Variants in ITM2B observed in about 807,000 individuals in gnomAD.
The protein encoded by ITM2B is ABri/ADan amyloid peptide.
Under a neutral mutation model 27.8 loss-of-function variants are expected in ITM2B, and 11 were observed. The ratio of observed to expected loss-of-function variants is 0.40; its 90% CI spans 0.25 to 0.66. The LOEUF (loss-of-function observed/expected upper bound fraction) is 0.66. ITM2B is among the 30% of genes least tolerant of loss of function. ITM2B has a pLI of 0.43. For missense variants in ITM2B, 296 were observed against 328.9 expected (o/e 0.90, Z 0.77); for synonymous variants, 114 against 114.3 (o/e 1.00, Z 0.02).
At chr13:48,242,409 CT>C (rs144306588) in intron 1 of ITM2B, among the ~76,000 whole-genome samples, 21 of 147,270 alleles carry the variant, frequency 1.4e-4, no homozygotes, top group Admixed American at 2.0e-4. Flanking sequence ...TTCTTTCTTT[CT>C]TTTTTTTTTG....
chr13:48,236,653 C>T (rs9316367), intron 1 of ITM2B, among the ~76,000 whole-genome samples: 28,376 of 152,118 alleles, frequency 0.19, 3,126 homozygotes, highest in Non-Finnish European at 0.24. Flanking sequence ...TATCAAGTAG[C>T]AGTGGGTCAA....
chr13:48,233,378 C>A lies in ITM2B; in HGVS notation c.18C>A (p.Phe6Leu). 1 of 1,563,832 alleles carries A rather than the reference C, an allele frequency of 6.4e-7. No homozygotes were observed. The change falls in exon 1 of 6, where the codon TTC becomes TTA. Residue 6 changes from phenylalanine to leucine, a missense_variant. Physicochemically the swap from Phe to Leu is conservative, Grantham distance 22. Transcript: ENST00000647800. Reference protein sequence around the residue: MVKVTFNSALAQKEAK... With the variant: MVKVTLNSALAQKEAK... ...GCCGCGCCATGGTGAAGGTGACGTT[C>A]AACTCCGCTCTGGCCCAGAAGGAGG...
chr13:48,258,769 C>A, intron 4 of ITM2B, 28 bp from the exon 5 acceptor site: 1 of 1,606,400 alleles, frequency 6.2e-7, no homozygotes, highest in Non-Finnish European at 8.5e-7. Context: ...CTGAGATAGT[C>A]ATGTCATGTA....
At chr13:48,250,183 A>G (rs1031610289) in intron 1 of ITM2B, among the ~76,000 whole-genome samples, 2 of 152,240 alleles carry the variant, frequency 1.3e-5, no homozygotes, top group Admixed American at 6.5e-5. Flanking sequence ...ATGCTGAACT[A>G]GGCTACTGCT....
At chr13:48,233,582 G>A in intron 1 of ITM2B, 105 bp downstream of exon 1, 1 of 645,828 alleles carries the variant, frequency 1.5e-6, no homozygotes, top group Non-Finnish European at 2.4e-6. Context: ...CGGGGCTCGC[G>A]CCGCGGGGAC....
Position 48,261,322 on chromosome 13 carries a change from G to A in ITM2B, c.*98G>A, listed in dbSNP as rs1446500129. 3.5e-6 allele frequency: 3 copies of A among 852,482 alleles called. No homozygotes were observed. Among genetic ancestry groups the A allele is most frequent in the African/African-American group, 3.3e-5 (2 of 59,798 alleles). 52.8% of individuals were successfully genotyped at this position (852,482 alleles called of 1,614,324 possible). A position where few individuals can be genotyped will look rare whatever the true frequency, so the allele number is the denominator to read the frequency against. ...ATTATTTTTTAAAGTCTTCTTTCAT[G>A]TAAGTAGCAAACAGGGCTTTACTAT... On this transcript the variant is annotated 3_prime_UTR_variant, in exon 6 of 6. Transcript: ENST00000647800.
chr13:48,253,959 GTC>G lies in ITM2B; in HGVS notation c.246+27_246+28del, dbSNP rs773917209. 1.9e-6 allele frequency: 3 copies of G among 1,585,094 alleles called. No homozygotes were observed. The Admixed American group carries it at 5.1e-5, about 27-fold the overall frequency. ...CAAGTAAGTGGAAAAATTATTTTGT[GTC>G]TCTGATTTTTTTTTTTTTTTGCCTC... On this transcript the variant is annotated intron_variant, in intron 2 of 5. Coordinates refer to ENST00000647800, the MANE Select transcript of ITM2B (RefSeq NM_021999.5).
At chr13:48,251,299 T>C (rs114882070) in intron 1 of ITM2B, among the ~76,000 whole-genome samples, 1,590 of 152,330 alleles carry the variant, frequency 0.01, 28 homozygotes, top group African/African-American at 0.036. Flanking sequence ...TAATGAGTAT[T>C]TGTCCTTTAA....
chr13:48,249,362 C>T (rs1488383070), intron 1 of ITM2B, among the ~76,000 whole-genome samples: 1 of 151,954 alleles, frequency 6.6e-6, no homozygotes, highest in Non-Finnish European at 1.5e-5. Context: ...ATGAATATAC[C>T]ACAATTTATT....
At chr13:48,255,263 GTGTGCGTGCGCGCA>G (rs756939070) in intron 2 of ITM2B, among the ~76,000 whole-genome samples, 7 of 151,538 alleles carry the variant, frequency 4.6e-5, no homozygotes, top group African/African-American at 4.9e-5. Context: ...GTGCGCGCGC[GTGTGCGTGCGCGCA>G]CGTGTACATG....
At chr13:48,243,472 A>G (rs1371441626) in intron 1 of ITM2B, among the ~76,000 whole-genome samples, 1 of 152,208 alleles carries the variant, frequency 6.6e-6, no homozygotes, top group Non-Finnish European at 1.5e-5. Flanking sequence ...CCTTTGTAAT[A>G]GTTCACACAT....
chr13:48,246,428 GA>G (rs925002798), intron 1 of ITM2B, among the ~76,000 whole-genome samples: 1 of 152,152 alleles, frequency 6.6e-6, no homozygotes, highest in African/African-American at 2.4e-5. Context: ...AAGTGAATAA[GA>G]AAAAATGCAA....
intron 3 of ITM2B, among the ~76,000 whole-genome samples, chr13:48,257,215 C>T (rs1163336320): frequency 1.3e-5 from 2 of 152,164 alleles, no homozygotes; most frequent in Non-Finnish European, 2.9e-5. Flanking sequence ...ATGCTGTACT[C>T]ACCTAGGTAT....
chr13:48,233,577 C>T lies in ITM2B; in HGVS notation c.117+100C>T, dbSNP rs925647557. On this transcript the variant is annotated intron_variant, in intron 1 of 5. Transcript: ENST00000647800. ...GCGCCCCGAGGTGGCGGGCGCGGGGCTCGCGCCGCGGGGACAAGTCCCCGA... is the reference window on the plus strand; with the variant it reads ...GCGCCCCGAGGTGGCGGGCGCGGGGTTCGCGCCGCGGGGACAAGTCCCCGA... 18 of 693,958 alleles carry T rather than the reference C, an allele frequency of 2.6e-5. 1 individual carries two copies. The South Asian group carries it at 4.3e-4, about 17-fold the overall frequency. The allele number at this position is 693,958 out of a possible 1,614,324, so 43.0% of individuals were successfully genotyped here.
chr13:48,236,998 A>G (rs989625087), intron 1 of ITM2B, among the ~76,000 whole-genome samples: 1 of 152,186 alleles, frequency 6.6e-6, no homozygotes, highest in Middle Eastern at 3.2e-3. Context: ...AAAAGTTTTG[A>G]GTTACCCATG....
intron 1 of ITM2B, among the ~76,000 whole-genome samples, chr13:48,241,650 A>G (rs895401634): frequency 1.3e-5 from 2 of 152,202 alleles, no homozygotes; most frequent in African/African-American, 2.4e-5. Flanking sequence ...TATATTTCCA[A>G]ATAACCAAAA....
At chr13:48,245,924 G>A (rs1039801599) in intron 1 of ITM2B, among the ~76,000 whole-genome samples, 2 of 151,646 alleles carry the variant, frequency 1.3e-5, no homozygotes, top group Non-Finnish European at 2.9e-5. Context: ...GACTACAGGC[G>A]CCTGCCACCA....
chr13:48,245,898 C>T (rs974015752), intron 1 of ITM2B, among the ~76,000 whole-genome samples: 1 of 151,964 alleles, frequency 6.6e-6, no homozygotes, highest in African/African-American at 2.4e-5. Flanking sequence ...CCTGCCTCAG[C>T]CTCCCGAGTA....
At chr13:48,253,957 G>A (rs375799224) in intron 2 of ITM2B, 21 bp downstream of exon 2, 3 of 1,588,602 alleles carry the variant, frequency 1.9e-6, no homozygotes, top group East Asian at 2.3e-5. Context: ...AAATTATTTT[G>A]TGTCTCTGAT....
Sources: allele counts gnomAD v4.1 joint callset (sites outside exome capture counted in the v4.1 genomes callset), GRCh38; gene constraint gnomAD v4.1.1; transcripts MANE v1.5; gene names NCBI Gene and HGNC (gene_info 2026-07-23, HGNC 2026-07-21).